Variants in RCAN3 observed in about 807,000 individuals in gnomAD.
RCAN3 encodes calcipressin-3.
A neutral mutation model predicts 21.9 loss-of-function variants in RCAN3; 19 were observed. The ratio of observed to expected loss-of-function variants is 0.87; its 90% CI spans 0.61 to 1.27. RCAN3 has a LOEUF of 1.27. RCAN3 is among the 50% of genes most tolerant of loss of function. RCAN3 has a pLI of 0.00. For synonymous variants in RCAN3, 114 were observed against 112.3 expected, an observed-to-expected ratio of 1.01 and a Z score of -0.09; for missense variants, 240 against 300.1, an observed-to-expected ratio of 0.80 and a Z score of 1.48.
At chr1:24,535,014 C>T in intron 4 of RCAN3, 79 bp from the exon 5 acceptor site, 1 of 1,415,280 alleles carries the variant, frequency 7.1e-7, no homozygotes, top group Non-Finnish European at 9.5e-7. Flanking sequence ...AGGAGTAGAA[C>T]AAAAAGTTGC....
At position 24,539,649 on chromosome 1, in the gene RCAN3, A is replaced by G. The variant is rs1570497763; in HGVS notation, c.*4372A>G. On this transcript the variant is annotated 3_prime_UTR_variant, in exon 5 of 5. Transcript: ENST00000374395. ...ATGACTGGCCTATTCAAGGCTTCAT[A>G]TTTTTATACAGACTATTTCACAGAC... 1.3e-5 allele frequency: 2 copies of G among 152,344 alleles called. No homozygotes were observed. Among genetic ancestry groups the G allele is most frequent in the African/African-American group, 4.8e-5 (2 of 41,576 alleles). 9.4% of individuals were successfully genotyped at this position (152,344 alleles called of 1,614,324 possible). A position where few individuals can be genotyped will look rare whatever the true frequency, so the allele number is the denominator to read the frequency against.
rs551649616 is a variant in RCAN3, at chr1:24,532,765, A to G, written c.370-318A>G. On this transcript the variant is annotated intron_variant, in intron 3 of 4. Transcript: ENST00000374395. ...AGATCGAGACCATCCTGGCTAACAC[A>G]GTGCAACCCCGTCTCTACTAAAAAT... is the stretch of plus-strand genomic sequence containing the variant. Among the ~76,000 whole-genome samples the G allele has an allele frequency of 4.6e-3, 692 of 150,962 alleles. 4 individuals carry two copies. The highest frequency in any genetic ancestry group is 0.015 in the African/African-American group (628 of 41,384).
chr1:24,531,508 A>T (rs1377319018), intron 3 of RCAN3, 117 bp downstream of exon 3: 1 of 594,360 alleles, frequency 1.7e-6, no homozygotes, highest in Non-Finnish European at 2.6e-6. Context: ...GAACCATCTC[A>T]ATCAGCAAAT....
At chr1:24,531,495 A>G in intron 3 of RCAN3, 104 bp downstream of exon 3, 1 of 728,912 alleles carries the variant, frequency 1.4e-6, no homozygotes, top group Non-Finnish European at 2.0e-6. Flanking sequence ...AGGTGTGTAG[A>G]GTGAACCATC....
chr1:24,511,849 C>T (rs1024006292), intron 1 of RCAN3, among the ~76,000 whole-genome samples: 2 of 152,088 alleles, frequency 1.3e-5, no homozygotes, highest in Non-Finnish European at 2.9e-5. Context: ...GTTGGGAAGC[C>T]GTTGCCATCC....
At chr1:24,509,595 C>A (rs1267174332) in intron 1 of RCAN3, among the ~76,000 whole-genome samples, 2 of 152,174 alleles carry the variant, frequency 1.3e-5, no homozygotes, top group Non-Finnish European at 2.9e-5. Context: ...TCTTTAGGCT[C>A]CGCTTCTAAT....
intron 2 of RCAN3, among the ~76,000 whole-genome samples, chr1:24,516,255 AG>A (rs1004231955): frequency 6.6e-6 from 1 of 152,138 alleles, no homozygotes; most frequent in African/African-American, 2.4e-5. Flanking sequence ...ACTTGAGCCC[AG>A]GGTTTCATGA....
chr1:24,517,773 G>A (rs1648461690), intron 2 of RCAN3, among the ~76,000 whole-genome samples: 1 of 152,104 alleles, frequency 6.6e-6, no homozygotes, highest in Admixed American at 6.5e-5. Context: ...CAAGAGGATC[G>A]CTTGAGACCA....
intron 2 of RCAN3, among the ~76,000 whole-genome samples, chr1:24,522,228 T>G (rs991873641): frequency 3.9e-5 from 6 of 152,306 alleles, no homozygotes; most frequent in East Asian, 1.9e-4. Context: ...GACACCTGTT[T>G]GGCTCCACTT....
In RCAN3 at chr1:24,529,374, G is replaced by A. The variant is rs943479589; in HGVS notation, c.196-1844G>A. On this transcript the variant is annotated intron_variant, in intron 2 of 4. Transcript: ENST00000374395. ...TTGAGACCAGCCTGCGCAACATAGC[G>A]AGACTTCATCTCATTTAAAAAAAGA... 4.0e-5 allele frequency among the ~76,000 whole-genome samples: 6 copies of A among 151,200 alleles called. No homozygotes were observed. The South Asian group carries it at 1.3e-3, about 32-fold the overall frequency.
chr1:24,524,906 T>G (rs998678319), intron 2 of RCAN3, among the ~76,000 whole-genome samples: 1 of 149,690 alleles, frequency 6.7e-6, no homozygotes, highest in Non-Finnish European at 1.5e-5. Context: ...CACAGCTCTC[T>G]GCAACCTCCG....
In RCAN3 at chr1:24,531,401, C is replaced by T. The variant is rs772565899; in HGVS notation, c.369+10C>T. The T allele has an allele frequency of 1.4e-5, 22 of 1,580,290 alleles. No individual in the cohort carries two copies. The highest frequency in any genetic ancestry group is 1.4e-4 in the South Asian group (12 of 86,496). ...GCTATATTTTGCACAGGTACTTCAC[C>T]GTGCAGAGAACACTGTTCTCTAAAC... On this transcript the variant is annotated intron_variant, in intron 3 of 4. Transcript: ENST00000374395.
At chr1:24,528,900 G>A (rs1233585977) in intron 2 of RCAN3, among the ~76,000 whole-genome samples, 1 of 152,170 alleles carries the variant, frequency 6.6e-6, no homozygotes, top group Non-Finnish European at 1.5e-5. Context: ...CACACTCTTT[G>A]TAAGCACATG....
intron 4 of RCAN3, among the ~76,000 whole-genome samples, chr1:24,534,187 T>C (rs573321836): frequency 1.4e-4 from 22 of 152,246 alleles, no homozygotes; most frequent in Admixed American, 9.8e-4. Context: ...GAGGAAGAAG[T>C]GATTCAGTGC....
intron 2 of RCAN3, among the ~76,000 whole-genome samples, chr1:24,517,339 TCTC>T (rs1295051097): frequency 6.6e-6 from 1 of 152,034 alleles, no homozygotes; most frequent in Non-Finnish European, 1.5e-5. Flanking sequence ...CTGGTCTTGA[TCTC>T]CTGACCTCAA....
chr1:24,505,100 G>C (rs1647318157), intron 1 of RCAN3, among the ~76,000 whole-genome samples: 1 of 151,838 alleles, frequency 6.6e-6, no homozygotes, highest in African/African-American at 2.4e-5. Flanking sequence ...CTAAAAAATA[G>C]TACAGTTCTA....
chr1:24,505,225 C>CTT (rs1351108344), intron 1 of RCAN3, among the ~76,000 whole-genome samples: 80 of 109,546 alleles, frequency 7.3e-4, no homozygotes, highest in South Asian at 8.8e-4. Context: ...TTTTTTTTCT[C>CTT]TTTTTTCTTT....
intron 2 of RCAN3, among the ~76,000 whole-genome samples, chr1:24,521,941 G>C (rs1648856844): frequency 1.3e-5 from 2 of 152,092 alleles, no homozygotes; most frequent in Non-Finnish European, 1.5e-5. Flanking sequence ...TTAATGTATT[G>C]AGAGCTTGTA....
chr1:24,507,531 A>T (rs1473265241), intron 1 of RCAN3: 1 of 152,244 alleles, frequency 6.6e-6, no homozygotes, highest in South Asian at 2.1e-4. Flanking sequence ...TCTTGTAGCT[A>T]GGAGTGATTT....
Sources: gnomAD v4.1 joint callset for allele counts (sites outside exome capture counted in the v4.1 genomes callset) on GRCh38, gnomAD v4.1.1 for gene constraint, MANE v1.5 for transcripts, NCBI Gene and HGNC (gene_info 2026-07-23, HGNC 2026-07-21) for gene names.